Variants in EML4 observed in about 807,000 individuals in gnomAD.
EML4 encodes the protein EMAP like 4.
Under a neutral mutation model 129.0 loss-of-function variants are expected in EML4, and 72 were observed. The ratio of observed to expected loss-of-function variants is 0.56; its 90% CI spans 0.46 to 0.68. The LOEUF (loss-of-function observed/expected upper bound fraction) is 0.68. EML4 is among the 30% of genes least tolerant of loss of function. The pLI is 0.00. For missense variants in EML4, 1,363 were observed against 1,190.6 expected, an observed-to-expected ratio of 1.14 and a Z score of -2.13; for synonymous variants, 532 against 405.0, an observed-to-expected ratio of 1.31 and a Z score of -3.77.
At position 42,332,543 on chromosome 2, in the gene EML4, T is replaced by A. The variant is rs1317807676; in HGVS notation, c.*2336T>A. 1 of 180,116 alleles carries A rather than the reference T, an allele frequency of 5.6e-6. No individual in the cohort carries two copies. Among genetic ancestry groups the A allele is most frequent in the Non-Finnish European group, 1.2e-5 (1 of 83,918 alleles). The allele number at this position is 180,116 out of a possible 1,614,324, so 11.2% of individuals were successfully genotyped here. ...ATAAAATAATCAAAATGTTTCCTCTTTCTAAGTGCGTCTTAACTCTTTCTT... is the reference window on the plus strand; with the variant it reads ...ATAAAATAATCAAAATGTTTCCTCTATCTAAGTGCGTCTTAACTCTTTCTT... On this transcript the variant is annotated 3_prime_UTR_variant, in exon 23 of 23. Coordinates refer to ENST00000318522, the MANE Select transcript of EML4 (RefSeq NM_019063.5).
chr2:42,232,546 T>G (rs1398499223), intron 1 of EML4, among the ~76,000 whole-genome samples: 1 of 152,184 alleles, frequency 6.6e-6, no homozygotes, highest in Admixed American at 6.5e-5. Flanking sequence ...CCTGTAATGT[T>G]TCAAACACAT....
intron 6 of EML4, among the ~76,000 whole-genome samples, chr2:42,279,834 T>G (rs577106034): frequency 6.1e-4 from 92 of 151,962 alleles, no homozygotes; most frequent in African/African-American, 2.1e-3. Context: ...TAAGGTAATA[T>G]TTCATTGTGA....
chr2:42,212,204 C>T (rs899781525), intron 1 of EML4, among the ~76,000 whole-genome samples: 2 of 152,102 alleles, frequency 1.3e-5, no homozygotes, highest in African/African-American at 2.4e-5. Context: ...TTGTGGTACT[C>T]AGCTGTTTTG....
rs185962261 is a variant in EML4 at position 42,281,160 on chromosome 2, G to A, written c.791+187G>A. Among the ~76,000 whole-genome samples, 138 of 152,182 alleles carry A rather than the reference G, an allele frequency of 9.1e-4. 1 individual carries two copies. Among genetic ancestry groups the A allele is most frequent in the African/African-American group, 2.9e-3 (122 of 41,538 alleles). On this transcript the variant is annotated intron_variant, in intron 7 of 22. Transcript: ENST00000318522. ...GGTAATCCTAGCACTTTGGGAGGCC[G>A]AGGCAGGCGGATCACAAAGTCAGTA... is the stretch of plus-strand genomic sequence containing the variant.
Position 42,247,928 on chromosome 2 carries a change from T to C in EML4, c.208+2241T>C, listed in dbSNP as rs529793926. Among the ~76,000 whole-genome samples the C allele has an allele frequency of 2.0e-4, 31 of 152,250 alleles. 1 individual carries two copies. The South Asian group carries it at 5.6e-3, about 27-fold the overall frequency. On this transcript the variant is annotated intron_variant, in intron 2 of 22. Transcript: ENST00000318522. ...CATATAAGTATTTTAAAACCTATAA[T>C]AGAAAATGATAACGATGTTTGATTG...
At chr2:42,207,513 AC>A (rs1163923354) in intron 1 of EML4, among the ~76,000 whole-genome samples, 1 of 152,176 alleles carries the variant, frequency 6.6e-6, no homozygotes, top group African/African-American at 2.4e-5. Flanking sequence ...TAGCAGCTCT[AC>A]CTGAACCACT....
chr2:42,332,199 C>A lies in EML4; in HGVS notation c.*1992C>A. The A allele has an allele frequency of 4.6e-6, 1 of 218,830 alleles. No homozygotes were observed. Among genetic ancestry groups the A allele is most frequent in the Non-Finnish European group, 9.2e-6 (1 of 108,920 alleles). The allele number at this position is 218,830 out of a possible 1,614,324, so 13.6% of individuals were successfully genotyped here. ...GGGGAATACAGCTCTCAGTGATCAG[C>A]AGGGAGTTTATTTGAGGACATCAGT... On this transcript the variant is annotated 3_prime_UTR_variant, in exon 23 of 23. Coordinates refer to ENST00000318522, the MANE Select transcript of EML4 (RefSeq NM_019063.5).
chr2:42,203,765 T>A (rs1251416324), intron 1 of EML4, among the ~76,000 whole-genome samples: 1 of 151,576 alleles, frequency 6.6e-6, no homozygotes, highest in Non-Finnish European at 1.5e-5. Context: ...ATGCCACATG[T>A]ATAGGCACAA....
At chr2:42,182,141 T>A (rs912270905) in intron 1 of EML4, among the ~76,000 whole-genome samples, 51 of 147,232 alleles carry the variant, frequency 3.5e-4, no homozygotes, top group Non-Finnish European at 3.7e-4. Context: ...TTTTTTTTTT[T>A]ATGTAGAAAA....
intron 1 of EML4, among the ~76,000 whole-genome samples, chr2:42,239,427 A>G (rs1025539614): frequency 6.6e-6 from 1 of 152,220 alleles, no homozygotes; most frequent in Non-Finnish European, 1.5e-5. Flanking sequence ...AATAGCTATC[A>G]TTGTATTCTT....
chr2:42,172,826 A>T (rs1345983706), intron 1 of EML4, among the ~76,000 whole-genome samples: 1 of 152,160 alleles, frequency 6.6e-6, no homozygotes, highest in Non-Finnish European at 1.5e-5. Context: ...ATTTTTTATA[A>T]GGCAGGGATT....
chr2:42,288,902 A>C (rs973551031), intron 11 of EML4: 2 of 152,232 alleles, frequency 1.3e-5, no homozygotes, highest in African/African-American at 4.8e-5. Context: ...TATATGAGCC[A>C]GAAATGGACT....
intron 17 of EML4, among the ~76,000 whole-genome samples, chr2:42,311,730 T>C (rs1159491905): frequency 1.3e-5 from 2 of 151,006 alleles, no homozygotes; most frequent in African/African-American, 2.4e-5. Context: ...TTGGCATTTC[T>C]AGGCCCAGAA....
At chr2:42,212,624 G>A (rs909822645) in intron 1 of EML4, among the ~76,000 whole-genome samples, 1 of 152,210 alleles carries the variant, frequency 6.6e-6, no homozygotes, top group East Asian at 1.9e-4. Flanking sequence ...TTTCTATCCA[G>A]TTAACAGATA....
rs998163846 is a variant in EML4, at chr2:42,301,381, A to G, written c.1630A>G (p.Arg544Gly). The G allele has an allele frequency of 1.9e-6, 3 of 1,611,384 alleles. No homozygotes were observed. Among genetic ancestry groups the G allele is most frequent in the Non-Finnish European group, 2.5e-6 (3 of 1,178,874 alleles). ...ILWDHDLNPE[R>G]EIEVPDQYGT... ...GTGGGATCATGATCTGAATCCTGAA[A>G]GAGAAATAGAGGTAAGGATGGAAAC... The change falls in exon 14 of 23, where the codon AGA becomes GGA. Residue 544 changes from arginine (R) to glycine (G), a missense_variant. Coordinates refer to ENST00000318522, the MANE Select transcript of EML4 (RefSeq NM_019063.5).
intron 1 of EML4, among the ~76,000 whole-genome samples, chr2:42,177,256 CT>C (rs70959501): frequency 1.6e-4 from 23 of 147,886 alleles, no homozygotes; most frequent in South Asian, 2.1e-4. Flanking sequence ...TTTCATACCT[CT>C]TTTTTTTTTT....
intron 9 of EML4, 132 bp downstream of exon 9, chr2:42,284,835 C>A (rs1320138740): frequency 3.7e-6 from 2 of 545,454 alleles, no homozygotes; most frequent in East Asian, 3.3e-5. Context: ...CTAGTATAAG[C>A]ATGGAAAAAA....
intron 1 of EML4, among the ~76,000 whole-genome samples, chr2:42,242,730 T>TTCTCG (rs200880328): frequency 1.9e-4 from 28 of 149,322 alleles, no homozygotes; most frequent in South Asian, 4.2e-4. Context: ...TTCTCTTCTC[T>TTCTCG]TCTCGTCTCG....
intron 13 of EML4, among the ~76,000 whole-genome samples, chr2:42,297,353 T>A (rs999273467): frequency 1.3e-5 from 2 of 152,206 alleles, no homozygotes; most frequent in African/African-American, 2.4e-5. Context: ...CGTATAAATA[T>A]ACCCTTTTGT....
Sources: gnomAD v4.1 joint callset for allele counts (sites outside exome capture counted in the v4.1 genomes callset) on GRCh38, gnomAD v4.1.1 for gene constraint, MANE v1.5 for transcripts, NCBI Gene and HGNC (gene_info 2026-07-23, HGNC 2026-07-21) for gene names.